FSIP1: variants seen among roughly 807,000 people sequenced by gnomAD.
FSIP1 encodes fibrous sheath interacting protein 1, also known as fibrous sheath-interacting protein 1.
Under a neutral mutation model 60.9 loss-of-function variants are expected in FSIP1, and 65 were observed. The observed-to-expected ratio is 1.07, with a 90% CI of 0.87 to 1.31. FSIP1 has a LOEUF of 1.31. Among genes scored for constraint, FSIP1 ranks in the 40% most tolerant of loss-of-function variants. The pLI is 0.00. For synonymous variants in FSIP1, 209 were observed against 221.2 expected (o/e 0.94, Z 0.49); for missense variants, 675 against 665.5 (o/e 1.01, Z -0.16).
chr15:39,618,570 T>C (rs1178062586), intron 10 of FSIP1, among the ~76,000 whole-genome samples: 2 of 152,144 alleles, frequency 1.3e-5, no homozygotes, highest in East Asian at 3.9e-4. Context: ...TGTCCACAAC[T>C]ATCAGTGGAC....
intron 5 of FSIP1, among the ~76,000 whole-genome samples, chr15:39,754,137 C>T (rs1897240032): frequency 6.6e-6 from 1 of 152,026 alleles, no homozygotes; most frequent in South Asian, 2.1e-4. Context: ...TGAGGACATA[C>T]ACGCATCCTA....
At chr15:39,677,271 T>C (rs1203923987) in intron 10 of FSIP1, among the ~76,000 whole-genome samples, 5 of 152,164 alleles carry the variant, frequency 3.3e-5, no homozygotes, top group African/African-American at 4.8e-5. Context: ...AGAACAAACA[T>C]ACACATTCCA....
chr15:39,723,359 G>C (rs1423323939), intron 9 of FSIP1, among the ~76,000 whole-genome samples: 1 of 152,140 alleles, frequency 6.6e-6, no homozygotes, highest in Non-Finnish European at 1.5e-5. Flanking sequence ...CTCCCGAGTA[G>C]CTGGGACTAC....
intron 10 of FSIP1, among the ~76,000 whole-genome samples, chr15:39,700,943 C>A (rs528136224): frequency 6.6e-6 from 1 of 152,096 alleles, no homozygotes; most frequent in Non-Finnish European, 1.5e-5. Flanking sequence ...CTTGAGCCCA[C>A]GAGTTCAAGA....
chr15:39,654,207 T>G (rs1043298540), intron 10 of FSIP1, among the ~76,000 whole-genome samples: 7 of 152,252 alleles, frequency 4.6e-5, no homozygotes, highest in Admixed American at 3.3e-4. Context: ...AAGTATAGTA[T>G]AGGAAATCCA....
intron 6 of FSIP1, among the ~76,000 whole-genome samples, chr15:39,740,036 C>G (rs753519612): frequency 5.3e-5 from 8 of 152,184 alleles, no homozygotes; most frequent in Non-Finnish European, 8.8e-5. Context: ...TATCAAACTT[C>G]TTCCTGTTGA....
chr15:39,739,077 C>G (rs1261986377), intron 7 of FSIP1, among the ~76,000 whole-genome samples: 1 of 152,166 alleles, frequency 6.6e-6, no homozygotes, highest in Non-Finnish European at 1.5e-5. Context: ...ACCCAGGAAC[C>G]CCTGCGCCCT....
At chr15:39,685,308 T>A (rs1894321426) in intron 10 of FSIP1, among the ~76,000 whole-genome samples, 1 of 152,196 alleles carries the variant, frequency 6.6e-6, no homozygotes, top group African/African-American at 2.4e-5. Flanking sequence ...ACTTACCAGA[T>A]GTTAAGTTTT....
intron 10 of FSIP1, among the ~76,000 whole-genome samples, chr15:39,625,238 G>C (rs1891592202): frequency 6.6e-6 from 1 of 152,180 alleles, no homozygotes; most frequent in Non-Finnish European, 1.5e-5. Flanking sequence ...TGGCTCCATG[G>C]CTTCAAGGAT....
At chr15:39,695,180 GC>G (rs1235091723) in intron 10 of FSIP1, among the ~76,000 whole-genome samples, 1 of 152,058 alleles carries the variant, frequency 6.6e-6, no homozygotes, top group African/African-American at 2.4e-5. Flanking sequence ...GGTACTAGCT[GC>G]CTACCTGGGA....
intron 10 of FSIP1, among the ~76,000 whole-genome samples, chr15:39,688,712 T>C (rs763761949): frequency 2.6e-5 from 4 of 152,330 alleles, no homozygotes; most frequent in Non-Finnish European, 4.4e-5. Flanking sequence ...CTGTTCCACA[T>C]TGAGTGTCCA....
intron 10 of FSIP1, among the ~76,000 whole-genome samples, chr15:39,649,530 C>T (rs1892777941): frequency 6.6e-6 from 1 of 152,184 alleles, no homozygotes; most frequent in Non-Finnish European, 1.5e-5. Context: ...CTTGCTTTTG[C>T]ATTTATCTAG....
At chr15:39,750,965 G>C (rs1346349568) in intron 5 of FSIP1, among the ~76,000 whole-genome samples, 1 of 151,774 alleles carries the variant, frequency 6.6e-6, no homozygotes, top group Non-Finnish European at 1.5e-5. Flanking sequence ...TTAAAAATGG[G>C]CAAAGTAAAT....
At chr15:39,775,588 C>T (rs34320375) in intron 2 of FSIP1, among the ~76,000 whole-genome samples, 62,968 of 151,926 alleles carry the variant, frequency 0.41, 14,052 homozygotes, top group Admixed American at 0.5. Context: ...AATCTCATGT[C>T]GAATTGTAAT....
At chr15:39,701,730 T>G (rs989415152) in intron 10 of FSIP1, among the ~76,000 whole-genome samples, 3 of 152,246 alleles carry the variant, frequency 2.0e-5, no homozygotes, top group Non-Finnish European at 4.4e-5. Context: ...CATTCTGAAA[T>G]AGACCACTCC....
chr15:39,599,519 T>G, downstream of FSIP1: 1 of 130,080 alleles, frequency 7.7e-6, no homozygotes, highest in African/African-American at 2.9e-5. Flanking sequence ...CTTCCTACCC[T>G]CCCCTCCCCT....
At chr15:39,780,877 C>T (rs749253047) in intron 1 of FSIP1, among the ~76,000 whole-genome samples, 8 of 152,114 alleles carry the variant, frequency 5.3e-5, no homozygotes, top group Non-Finnish European at 8.8e-5. Context: ...GGTGAGCCAC[C>T]GTGCCTGGCC....
At chr15:39,704,060 A>G (rs1244347998) in intron 10 of FSIP1, among the ~76,000 whole-genome samples, 1 of 152,212 alleles carries the variant, frequency 6.6e-6, no homozygotes, top group African/African-American at 2.4e-5. Context: ...GCCTGTGATT[A>G]AGAGAACAAA....
intron 5 of FSIP1, among the ~76,000 whole-genome samples, chr15:39,748,209 T>C (rs574485728): frequency 1.6e-3 from 249 of 152,324 alleles, no homozygotes; most frequent in Non-Finnish European, 2.5e-3. Context: ...TTTTCTACTA[T>C]ATTGAAGGAT....
Sources: gnomAD v4.1 joint callset for allele counts (sites outside exome capture counted in the v4.1 genomes callset) on GRCh38, gnomAD v4.1.1 for gene constraint, MANE v1.5 for transcripts, NCBI Gene and HGNC (gene_info 2026-07-23, HGNC 2026-07-21) for gene names.